The following PTPRM variants were observed in gnomAD, a reference collection of about 807,000 sequenced individuals.
PTPRM encodes receptor-type tyrosine-protein phosphatase mu.
PTPRM carries 47 observed loss-of-function variants against 186.7 expected under a neutral mutation model. The ratio of observed to expected loss-of-function variants is 0.25; its 90% CI spans 0.20 to 0.32. PTPRM has a LOEUF of 0.32. PTPRM is among the 10% of genes least tolerant of loss of function. The pLI is 1.00. For missense variants in PTPRM, 1,494 were observed against 1,865.0 expected, an observed-to-expected ratio of 0.80 and a Z score of 3.66; for synonymous variants, 668 against 674.9, an observed-to-expected ratio of 0.99 and a Z score of 0.16.
intron 13 of PTPRM, among the ~76,000 whole-genome samples, chr18:8,127,721 ATCCTC>A (rs1261805756): frequency 6.6e-6 from 1 of 152,128 alleles, no homozygotes; most frequent in Non-Finnish European, 1.5e-5. Flanking sequence ...TGTGAGCACT[ATCCTC>A]TACTACTAGA....
rs1377918153 is a variant in PTPRM, at chr18:7,568,722, G to A, written c.73+831G>A. 6.6e-6 allele frequency among the ~76,000 whole-genome samples: 1 copy of A among 152,130 alleles called. No homozygotes were observed. Among genetic ancestry groups the A allele is most frequent in the Non-Finnish European group, 1.5e-5 (1 of 68,000 alleles). On this transcript the variant is annotated intron_variant, in intron 1 of 32. Coordinates refer to ENST00000580170, the MANE Select transcript of PTPRM (RefSeq NM_001105244.2). The surrounding 1 kb of genome is among the most constrained non-coding windows in gnomAD (Gnocchi z 5.1). Reference sequence around the variant, plus strand: ...TGCGAGCAAGCGTGTGAGTGTGTGCGCGTGTGTGCCTGCACGCGCGCGCGG... The same window carrying A: ...TGCGAGCAAGCGTGTGAGTGTGTGCACGTGTGTGCCTGCACGCGCGCGCGG...
At position 7,716,671 on chromosome 18, in the gene PTPRM, G is replaced by A. The variant is rs555601203; in HGVS notation, c.74-57478G>A. Among the ~76,000 whole-genome samples, 5 of 152,238 alleles carry A rather than the reference G, an allele frequency of 3.3e-5. 1 individual carries two copies. The East Asian group carries it at 9.7e-4, about 29-fold the overall frequency. The stretch of plus-strand genomic sequence containing the variant: ...CAGCCCCATCAAAAAGTGGGAAAAA[G>A]ATTTGAACAGACACTTCTCAATAGA... On this transcript the variant is annotated intron_variant, in intron 1 of 32. Coordinates refer to ENST00000580170, the MANE Select transcript of PTPRM (RefSeq NM_001105244.2).
At chr18:7,574,413 A>C (rs2036636127) in intron 1 of PTPRM, among the ~76,000 whole-genome samples, 1 of 152,248 alleles carries the variant, frequency 6.6e-6, no homozygotes, top group Non-Finnish European at 1.5e-5. Flanking sequence ...TATAATAAGC[A>C]TGCAGCCCAG....
chr18:8,088,881 G>A, intron 11 of PTPRM, 30 bp downstream of exon 11: 2 of 1,511,302 alleles, frequency 1.3e-6, no homozygotes, highest in Non-Finnish European at 1.8e-6. Context: ...GCCGGCTCTA[G>A]ATAGAAGAAA....
intron 1 of PTPRM, among the ~76,000 whole-genome samples, chr18:7,751,795 A>C (rs2041230667): frequency 6.6e-6 from 1 of 152,190 alleles, no homozygotes; most frequent in African/African-American, 2.4e-5. Flanking sequence ...CCTTCAACCT[A>C]GTCAGTTCAC....
intron 7 of PTPRM, among the ~76,000 whole-genome samples, chr18:8,037,117 A>G (rs2148124126): frequency 6.6e-6 from 1 of 152,312 alleles, no homozygotes; most frequent in Middle Eastern, 3.4e-3. Flanking sequence ...GAAGTTGAAT[A>G]AAACATCTAA....
At chr18:7,759,220 A>G (rs1266263050) in intron 1 of PTPRM, among the ~76,000 whole-genome samples, 2 of 152,228 alleles carry the variant, frequency 1.3e-5, no homozygotes, top group Non-Finnish European at 2.9e-5. Flanking sequence ...TCTATTCACA[A>G]CACACACAGT....
chr18:7,796,168 T>A (rs1195261077), intron 2 of PTPRM, among the ~76,000 whole-genome samples: 2 of 151,768 alleles, frequency 1.3e-5, no homozygotes, highest in African/African-American at 4.8e-5. Flanking sequence ...ATTTAACAGA[T>A]GTGATTAGTA....
At chr18:8,319,748 A>G (rs1202984733) in intron 22 of PTPRM, among the ~76,000 whole-genome samples, 2 of 152,226 alleles carry the variant, frequency 1.3e-5, no homozygotes, top group Non-Finnish European at 2.9e-5. Flanking sequence ...GGATGACTCA[A>G]AAACCGTTTT....
At chr18:7,890,775 A>T (rs947147080) in intron 3 of PTPRM, among the ~76,000 whole-genome samples, 3 of 152,316 alleles carry the variant, frequency 2.0e-5, no homozygotes, top group Non-Finnish European at 2.9e-5. Flanking sequence ...TTTTTCCAAC[A>T]ATAGAGGATT....
chr18:8,155,516 A>G (rs1344985022), intron 14 of PTPRM, among the ~76,000 whole-genome samples: 8 of 152,248 alleles, frequency 5.3e-5, no homozygotes, highest in South Asian at 2.1e-4. Context: ...CTATACCTCC[A>G]TCTCCTTTCC....
In PTPRM at chr18:8,214,795, C is replaced by T. The variant is rs1433225513; in HGVS notation, c.2301-29263C>T. Among the ~76,000 whole-genome samples, 6 of 152,036 alleles carry T rather than the reference C, an allele frequency of 3.9e-5. No individual in the cohort carries two copies. The East Asian group carries it at 7.7e-4, about 20-fold the overall frequency. The stretch of plus-strand genomic sequence containing the variant: ...TCTCCTACCTCAGCCTCCTGAGTAG[C>T]GGGATTACAGGCACCCGCCACCGTG... On this transcript the variant is annotated intron_variant, in intron 14 of 32. Coordinates refer to ENST00000580170, the MANE Select transcript of PTPRM (RefSeq NM_001105244.2).
At chr18:7,645,420 A>C (rs1331112608) in intron 1 of PTPRM, among the ~76,000 whole-genome samples, 2 of 152,196 alleles carry the variant, frequency 1.3e-5, no homozygotes, top group East Asian at 3.9e-4. Context: ...ATTTTGTCAA[A>C]ATGGTAAAGC....
chr18:7,715,622 C>G (rs554431841), intron 1 of PTPRM, among the ~76,000 whole-genome samples: 1 of 152,138 alleles, frequency 6.6e-6, no homozygotes, highest in Admixed American at 6.5e-5. Context: ...CATCTCAACC[C>G]GAAATCTCCT....
intron 5 of PTPRM, among the ~76,000 whole-genome samples, chr18:7,941,071 C>A (rs780714782): frequency 3.9e-5 from 6 of 152,158 alleles, no homozygotes; most frequent in Non-Finnish European, 8.8e-5. Flanking sequence ...CATTCACATC[C>A]CATTCCTGTT....
At chr18:8,073,452 A>G (rs181888962) in intron 8 of PTPRM, among the ~76,000 whole-genome samples, 2 of 152,366 alleles carry the variant, frequency 1.3e-5, no homozygotes, top group East Asian at 1.9e-4. Flanking sequence ...TATGATGAAC[A>G]TTTTAGTCTC....
At chr18:7,924,524 A>T (rs2051057511) in intron 4 of PTPRM, among the ~76,000 whole-genome samples, 1 of 152,210 alleles carries the variant, frequency 6.6e-6, no homozygotes, top group Non-Finnish European at 1.5e-5. Flanking sequence ...AGTTTTTTAT[A>T]TGGTAACATT....
chr18:7,877,074 G>T (rs757769213), intron 2 of PTPRM, among the ~76,000 whole-genome samples: 1 of 152,078 alleles, frequency 6.6e-6, no homozygotes, highest in African/African-American at 2.4e-5. Flanking sequence ...CATATTAATT[G>T]TTAATATAGA....
intron 22 of PTPRM, among the ~76,000 whole-genome samples, chr18:8,324,546 A>G (rs1796824380): frequency 2.0e-5 from 3 of 152,228 alleles, no homozygotes; most frequent in East Asian, 1.9e-4. Flanking sequence ...GCTGGGATCC[A>G]AATTCTTGTG....
Sources: allele counts gnomAD v4.1 joint callset (sites outside exome capture counted in the v4.1 genomes callset), GRCh38; gene constraint gnomAD v4.1.1; non-coding constraint Gnocchi (gnomAD v3.1); transcripts MANE v1.5; gene names NCBI Gene and HGNC (gene_info 2026-07-23, HGNC 2026-07-21).